Variants in ITGAL observed in about 807,000 individuals in gnomAD.
ITGAL encodes integrin subunit alpha L, also known as integrin alpha-L.
Under a neutral mutation model 138.4 loss-of-function variants are expected in ITGAL, and 68 were observed. The observed-to-expected ratio is 0.49, with a 90% CI of 0.40 to 0.60. ITGAL has a LOEUF of 0.60. Among genes scored for constraint, ITGAL ranks in the 20% least tolerant of loss-of-function variants. The pLI is 0.00. For synonymous variants in ITGAL, 561 were observed against 584.3 expected, an observed-to-expected ratio of 0.96 and a Z score of 0.57; for missense variants, 1,256 against 1,478.6, an observed-to-expected ratio of 0.85 and a Z score of 2.47.
intron 9 of ITGAL, chr16:30,488,804 G>T: frequency 2.3e-6 from 1 of 439,092 alleles, no homozygotes. Context: ...TTGAGCTTGG[G>T]TGGTTGAGGC....
Position 30,489,378 on chromosome 16 carries a change from G to A in ITGAL, c.1205G>A (p.Gly402Asp), listed in dbSNP as rs779221305. ...CCATTGACACCAGAAGTGAGAGCAG[G>A]CTATTTGGGTGAGTACTTCTCTTTT... The part of the protein sequence containing the change: ...NEPLTPEVRA[G>D]YLGYTVTWLP... The change falls in exon 11 of 31, where the codon GGC becomes GAC. Residue 402 changes from glycine (G) to aspartate (D), a missense_variant. Gly to Asp is a moderately conservative substitution (Grantham distance 94). Transcript: ENST00000356798. 5 of 1,614,070 alleles carry A rather than the reference G, an allele frequency of 3.1e-6. No homozygotes were observed. Among genetic ancestry groups the A allele is most frequent in the African/African-American group, 2.7e-5 (2 of 74,928 alleles).
chr16:30,482,878 G>A (rs1296106568), intron 7 of ITGAL, among the ~76,000 whole-genome samples: 1 of 152,024 alleles, frequency 6.6e-6, no homozygotes, highest in Non-Finnish European at 1.5e-5. Context: ...CCAGGCTGGA[G>A]CGCAGTGACG....
In ITGAL at chr16:30,489,131, C is replaced by T. The variant is rs746627643; in HGVS notation, c.1056C>T (p.Ser352=). The T allele has an allele frequency of 3.1e-6, 5 of 1,613,962 alleles. No homozygotes were observed. Among genetic ancestry groups the T allele is most frequent in the South Asian group, 1.1e-5 (1 of 91,078 alleles). Residue 352 remains serine (S), a synonymous_variant, in exon 10 of 31, where the codon AGC becomes AGT. Transcript: ENST00000356798. ...LTSFNMELSS[S]GISADLSRGH... ...CCTTCAACATGGAGCTGTCCTCCAG[C>T]GGCATCAGTGCTGACCTCAGCAGGG...
chr16:30,475,706 G>GTT (rs2050460896), intron 4 of ITGAL, 126 bp downstream of exon 4: 1 of 300,156 alleles, frequency 3.3e-6, no homozygotes, highest in African/African-American at 3.0e-5. Flanking sequence ...GTCAATTAGT[G>GTT]TTTATTGAGA....
chr16:30,478,715 A>AAG (rs2050509945), intron 4 of ITGAL, among the ~76,000 whole-genome samples: 1 of 150,272 alleles, frequency 6.7e-6, no homozygotes, highest in African/African-American at 2.4e-5. Context: ...AAAAAAAAAA[A>AAG]GAAAGAAAGA....
rs1236053380 is a variant in ITGAL, at chr16:30,522,275, C to T, written c.*610C>T. On this transcript the variant is annotated 3_prime_UTR_variant, in exon 31 of 31. Transcript: ENST00000356798. The surrounding 1 kb of genome is among the most constrained non-coding windows in gnomAD (Gnocchi z 4.0). ...AAGCTCTGGTGACACCAGCCTTTCT[C>T]CCAGGCCAGGCTCCTTCCTGTCTTC... 1 of 152,566 alleles carries T rather than the reference C, an allele frequency of 6.6e-6. No homozygotes were observed. The highest frequency in any genetic ancestry group is 1.5e-5 in the Non-Finnish European group (1 of 68,268). The allele number at this position is 152,566 out of a possible 1,614,324, so 9.5% of individuals were successfully genotyped here. A position where few individuals can be genotyped will look rare whatever the true frequency, so the allele number is the denominator to read the frequency against.
chr16:30,517,635 C>A lies in ITGAL; in HGVS notation c.2977-14C>A. 6.2e-7 allele frequency: 1 copy of A among 1,612,896 alleles called. No homozygotes were observed. The highest frequency in any genetic ancestry group is 8.5e-7 in the Non-Finnish European group (1 of 1,178,904). On this transcript the variant is annotated splice_polypyrimidine_tract_variant and intron_variant, in intron 26 of 30. Transcript: ENST00000356798. ...TGGGGAGGCTCTAACTGAAGACCTG[C>A]CGCTTGTTCCTAGGAGCCTCCCGTG...
intron 15 of ITGAL, among the ~76,000 whole-genome samples, chr16:30,497,342 C>CAA (rs201892957): frequency 2.4e-5 from 3 of 125,920 alleles, no homozygotes; most frequent in African/African-American, 8.7e-5. Flanking sequence ...GACTCCGCCT[C>CAA]AAAAAAAAAA....
intron 4 of ITGAL, among the ~76,000 whole-genome samples, chr16:30,476,809 T>C (rs546157784): frequency 6.6e-6 from 1 of 152,232 alleles, no homozygotes; most frequent in East Asian, 1.9e-4. Context: ...AATTTTTGTA[T>C]TTTTAGTAGA....
At chr16:30,495,211 C>G (rs57442742) in intron 13 of ITGAL, among the ~76,000 whole-genome samples, 49,538 of 151,908 alleles carry the variant, frequency 0.33, 9,231 homozygotes, top group East Asian at 0.61. Context: ...TTTTAGTAGA[C>G]ATGGGGTTTC....
At position 30,496,464 on chromosome 16, in the gene ITGAL, G is replaced by C. The variant is rs778948720; in HGVS notation, c.1730G>C (p.Gly577Ala). The change falls in exon 15 of 31, where the codon GGA (glycine) becomes GCA (alanine). Residue 577 changes from glycine (G) to alanine (A), a missense_variant. Physicochemically the swap from Gly to Ala is moderately conservative, Grantham distance 60. Transcript: ENST00000356798. ...ATAGAAGGGACCCAAGTGCTCTCAG[G>C]AATTCAGTGGTTTGGACGCTCCATC... ...QRIEGTQVLS[G>A]IQWFGRSIHG... 1.2e-6 allele frequency: 2 copies of C among 1,613,786 alleles called. No homozygotes were observed. Among genetic ancestry groups the C allele is most frequent in the South Asian group, 2.2e-5 (2 of 91,070 alleles).
At chr16:30,484,032 G>A in intron 8 of ITGAL, 73 bp downstream of exon 8, 1 of 1,593,572 alleles carries the variant, frequency 6.3e-7, no homozygotes, top group Non-Finnish European at 8.6e-7. Flanking sequence ...TTTCTCCCTG[G>A]GGCCAGACTC....
At position 30,483,881 on chromosome 16, in the gene ITGAL, TATC is replaced by T; in HGVS notation, c.785_787del (p.Ile262del). 1 of 1,614,058 alleles carries T rather than the reference TATC, an allele frequency of 6.2e-7. No individual in the cohort carries two copies. Among genetic ancestry groups the T allele is most frequent in the Non-Finnish European group, 8.5e-7 (1 of 1,179,986 alleles). On this transcript the variant is annotated inframe_deletion, in exon 8 of 31. Transcript: ENST00000356798. ...CCCGGCCAGATGCCACCAAAGTGCT[TATC>T]ATCATCACGGATGGGGAGGCCACTG...
chr16:30,482,361 G>A (rs1469434041), intron 7 of ITGAL, among the ~76,000 whole-genome samples: 1 of 152,204 alleles, frequency 6.6e-6, no homozygotes, highest in Admixed American at 6.6e-5. Context: ...AAAATAGTAG[G>A]TGATGAGGTC....
chr16:30,506,970 G>T, intron 21 of ITGAL, 114 bp downstream of exon 21: 1 of 1,126,620 alleles, frequency 8.9e-7, no homozygotes, highest in South Asian at 1.4e-5. Context: ...CGGGTGGACA[G>T]GGGTCTTAGG....
In ITGAL at chr16:30,510,535, A is replaced by C. The variant is rs919838948; in HGVS notation, c.2619+64A>C. 1.6e-5 allele frequency: 15 copies of C among 947,050 alleles called. 1 individual carries two copies. Among genetic ancestry groups the C allele is most frequent in the Non-Finnish European group, 2.6e-5 (15 of 574,846 alleles). The allele number at this position is 947,050 out of a possible 1,614,324, so 58.7% of individuals were successfully genotyped here. A position where few individuals can be genotyped will look rare whatever the true frequency, so the allele number is the denominator to read the frequency against. On this transcript the variant is annotated intron_variant, in intron 22 of 30. Transcript: ENST00000356798. ...GGCCCTGAGCTGGTGGAGGGCAGGG[A>C]GCTCTTGGCTCAGGAGAAGGGAGCA...
At chr16:30,519,039 C>T (rs2051213194) in intron 29 of ITGAL, among the ~76,000 whole-genome samples, 1 of 152,134 alleles carries the variant, frequency 6.6e-6, no homozygotes, top group African/African-American at 2.4e-5. Context: ...GCCTGGCCAA[C>T]ATGGTGAAAC....
In ITGAL at chr16:30,496,128, G is replaced by A. The variant is rs1471278720; in HGVS notation, c.1535G>A (p.Gly512Glu). 2.5e-6 allele frequency: 4 copies of A among 1,613,988 alleles called. No individual in the cohort carries two copies. Among genetic ancestry groups the A allele is most frequent in the Non-Finnish European group, 3.4e-6 (4 of 1,180,012 alleles). Residue 512 changes from glycine (G) to glutamate (E), a missense_variant, in exon 14 of 31, where the codon GGG becomes GAG. By Grantham distance (98) the Gly-to-Glu change is moderately conservative (BLOSUM62 -2). This residue lies in a region of ITGAL where 867 missense variants were observed against 972.5 expected (regional missense o/e 0.89). Transcript: ENST00000356798. ...LGFEEVSELQGDPGYPLGRFG... is the reference protein window; with the variant it reads ...LGFEEVSELQEDPGYPLGRFG... Reference sequence around the variant, plus strand: ...TTTGAAGAAGTCTCAGAGCTGCAGGGGGACCCCGGCTACCCACTCGGGCGG... The same window carrying A: ...TTTGAAGAAGTCTCAGAGCTGCAGGAGGACCCCGGCTACCCACTCGGGCGG...
At chr16:30,490,990 T>A (rs1327446956) in intron 11 of ITGAL, among the ~76,000 whole-genome samples, 1 of 148,024 alleles carries the variant, frequency 6.8e-6, no homozygotes, top group African/African-American at 2.5e-5. Context: ...AAAAAATTAG[T>A]TGGGCATGGT....
Sources: gnomAD v4.1 joint callset for allele counts (sites outside exome capture counted in the v4.1 genomes callset) on GRCh38, gnomAD v4.1.1 for gene constraint, gnomAD v4.1.1 regional missense constraint, Gnocchi (gnomAD v3.1) non-coding constraint, MANE v1.5 for transcripts, NCBI Gene and HGNC (gene_info 2026-07-23, HGNC 2026-07-21) for gene names.